Variants in ERC2 observed in about 807,000 individuals in gnomAD.
ERC2 encodes ELKS/RAB6-interacting/CAST family member 2.
Under a neutral mutation model 114.8 loss-of-function variants are expected in ERC2, and 42 were observed. The observed-to-expected ratio is 0.37, with a 90% CI of 0.29 to 0.47. The LOEUF (loss-of-function observed/expected upper bound fraction) is 0.47, where lower values mean the gene tolerates loss of function less well. Ranked by LOEUF, ERC2 falls within the 20% of genes least tolerant of loss-of-function variation. The pLI is 0.99. For missense variants in ERC2, 939 were observed against 1,150.7 expected (o/e 0.82, Z 2.66); for synonymous variants, 454 against 425.5 (o/e 1.07, Z -0.82).
intron 14 of ERC2, among the ~76,000 whole-genome samples, chr3:55,776,135 T>A (rs1575567731): frequency 6.6e-6 from 1 of 151,026 alleles, no homozygotes; most frequent in South Asian, 2.1e-4. Flanking sequence ...CTCTTTAGAA[T>A]GTTATTTGTT....
At chr3:56,219,977 A>G (rs1323167306) in intron 3 of ERC2, among the ~76,000 whole-genome samples, 2 of 152,236 alleles carry the variant, frequency 1.3e-5, no homozygotes, top group Non-Finnish European at 2.9e-5. Context: ...CGGAAAGTGC[A>G]TTGCATATGA....
intron 17 of ERC2, among the ~76,000 whole-genome samples, chr3:55,568,093 A>G (rs1351699781): frequency 6.6e-6 from 1 of 152,192 alleles, no homozygotes; most frequent in Non-Finnish European, 1.5e-5. Context: ...TTTATAGCTC[A>G]GTTGAATCTA....
intron 3 of ERC2, among the ~76,000 whole-genome samples, chr3:56,260,120 C>T (rs2052815572): frequency 6.6e-6 from 1 of 152,192 alleles, no homozygotes. Context: ...TCTCATTCCA[C>T]CTTTCCAGCC....
chr3:56,152,198 G>T (rs917738743), intron 4 of ERC2, among the ~76,000 whole-genome samples: 1 of 151,966 alleles, frequency 6.6e-6, no homozygotes, highest in East Asian at 1.9e-4. Context: ...TTTTCAATGC[G>T]CATTAACATA....
At chr3:56,355,215 T>C (rs1451033167) in intron 2 of ERC2, among the ~76,000 whole-genome samples, 1 of 152,202 alleles carries the variant, frequency 6.6e-6, no homozygotes, top group Non-Finnish European at 1.5e-5. Context: ...TTAGCACAAG[T>C]GGGAGTTATG....
intron 2 of ERC2, among the ~76,000 whole-genome samples, chr3:56,344,602 A>C (rs1411238783): frequency 6.6e-6 from 1 of 152,116 alleles, no homozygotes; most frequent in African/African-American, 2.4e-5. Flanking sequence ...TTACCAGGTA[A>C]ATTTATTTAT....
At chr3:55,733,868 G>T (rs2065458492) in intron 15 of ERC2, among the ~76,000 whole-genome samples, 1 of 152,064 alleles carries the variant, frequency 6.6e-6, no homozygotes, top group Non-Finnish European at 1.5e-5. Context: ...GCCACATAAG[G>T]CCCTAGGTAA....
intron 14 of ERC2, among the ~76,000 whole-genome samples, chr3:55,769,800 G>T (rs1411468986): frequency 6.6e-6 from 1 of 152,110 alleles, no homozygotes; most frequent in Non-Finnish European, 1.5e-5. Flanking sequence ...CCAGGTTTTG[G>T]AAAATAACTC....
intron 14 of ERC2, among the ~76,000 whole-genome samples, chr3:55,784,656 C>T (rs551615513): frequency 2.6e-5 from 4 of 152,200 alleles, no homozygotes; most frequent in Non-Finnish European, 4.4e-5. Context: ...CCCACACCCA[C>T]CCCATTTTTC....
At chr3:55,873,340 C>A (rs570725153) in intron 14 of ERC2, among the ~76,000 whole-genome samples, 67 of 152,276 alleles carry the variant, frequency 4.4e-4, no homozygotes, top group African/African-American at 1.5e-3. Context: ...AGGTTCAAAT[C>A]CCACCTTTGC....
At chr3:55,928,453 C>T (rs1162852260) in intron 13 of ERC2, among the ~76,000 whole-genome samples, 1 of 151,908 alleles carries the variant, frequency 6.6e-6, no homozygotes, top group Admixed American at 6.6e-5. Flanking sequence ...ATTTTTTAAT[C>T]GAATTATTCA....
chr3:56,247,840 C>T (rs1168164354), intron 3 of ERC2, among the ~76,000 whole-genome samples: 1 of 152,162 alleles, frequency 6.6e-6, no homozygotes, highest in Non-Finnish European at 1.5e-5. Context: ...TATTTCCTCC[C>T]ACTGATCTTT....
intron 1 of ERC2, among the ~76,000 whole-genome samples, chr3:56,453,203 A>G (rs1001197806): frequency 3.9e-5 from 6 of 152,188 alleles, no homozygotes; most frequent in Admixed American, 6.5e-5. Flanking sequence ...TGGCCGTATG[A>G]CTTGTTTTGG....
At chr3:55,985,840 G>T in intron 12 of ERC2, 137 bp downstream of exon 12, 1 of 730,294 alleles carries the variant, frequency 1.4e-6, no homozygotes, top group Non-Finnish European at 2.3e-6. Flanking sequence ...CCTTCCCAAG[G>T]CATGGAATGA....
At chr3:56,323,369 C>G (rs538029082) in intron 2 of ERC2, among the ~76,000 whole-genome samples, 1 of 152,260 alleles carries the variant, frequency 6.6e-6, no homozygotes, top group African/African-American at 2.4e-5. Context: ...TGAAGAAATT[C>G]AAGCTACCGT....
chr3:55,781,592 C>A (rs369410611), intron 14 of ERC2, among the ~76,000 whole-genome samples: 14 of 151,764 alleles, frequency 9.2e-5, no homozygotes, highest in African/African-American at 3.4e-4. Context: ...GAAGAGAGAG[C>A]CAGGTGTGGT....
chr3:55,893,906 C>T (rs895237166), intron 13 of ERC2, among the ~76,000 whole-genome samples: 1 of 152,156 alleles, frequency 6.6e-6, no homozygotes, highest in African/African-American at 2.4e-5. Context: ...TCTACTCTTA[C>T]CCCTAAGTGA....
chr3:55,828,992 G>T (rs1337313160), intron 14 of ERC2, among the ~76,000 whole-genome samples: 1 of 152,072 alleles, frequency 6.6e-6, no homozygotes, highest in African/African-American at 2.4e-5. Context: ...TTAGCTGAGT[G>T]TGATGGGACA....
At chr3:56,206,465 T>C (rs2048744334) in intron 3 of ERC2, among the ~76,000 whole-genome samples, 2 of 152,196 alleles carry the variant, frequency 1.3e-5, no homozygotes, top group Admixed American at 1.3e-4. Flanking sequence ...GTTGTCACCA[T>C]AGCATTGTTA....
Sources: gnomAD v4.1 joint callset for allele counts (sites outside exome capture counted in the v4.1 genomes callset) on GRCh38, gnomAD v4.1.1 for gene constraint, MANE v1.5 for transcripts, NCBI Gene and HGNC (gene_info 2026-07-23, HGNC 2026-07-21) for gene names.